RBFOX1: variants seen among roughly 807,000 people sequenced by gnomAD.
RBFOX1 encodes RNA binding fox-1 homolog 1.
RBFOX1 carries 8 observed loss-of-function variants against 57.7 expected under a neutral mutation model. The observed-to-expected ratio is 0.14, with a 90% confidence interval of 0.08 to 0.25. RBFOX1 has a LOEUF of 0.25. Ranked by LOEUF, RBFOX1 falls within the 10% of genes least tolerant of loss-of-function variation. The pLI is 1.00. For missense variants in RBFOX1, 611 were observed against 548.5 expected, an observed-to-expected ratio of 1.11 and a Z score of -1.14; for synonymous variants, 326 against 222.4, an observed-to-expected ratio of 1.47 and a Z score of -4.15.
At chr16:5,607,108 G>A (rs1045197116) in intron 3 of RBFOX1, among the ~76,000 whole-genome samples, 1 of 152,186 alleles carries the variant, frequency 6.6e-6, no homozygotes, top group Admixed American at 6.5e-5. Context: ...ACTGGAGTGG[G>A]CTGGGGAGCA....
chr16:7,673,896 G>A (rs947944757), intron 13 of RBFOX1, among the ~76,000 whole-genome samples: 1 of 152,182 alleles, frequency 6.6e-6, no homozygotes, highest in Non-Finnish European at 1.5e-5. Flanking sequence ...GATCTCGGAA[G>A]ACCAGGTTCA....
intron 4 of RBFOX1, among the ~76,000 whole-genome samples, chr16:7,353,667 C>G (rs185474417): frequency 6.6e-6 from 1 of 152,136 alleles, no homozygotes; most frequent in African/African-American, 2.4e-5. Flanking sequence ...TGTGGATGAA[C>G]CTTGAGAATG....
intron 4 of RBFOX1, among the ~76,000 whole-genome samples, chr16:7,281,473 G>A (rs972943674): frequency 6.6e-6 from 1 of 152,034 alleles, no homozygotes; most frequent in Non-Finnish European, 1.5e-5. Flanking sequence ...TTCTAACACT[G>A]TATATCTCTC....
At chr16:6,906,564 G>C (rs752532092) in intron 3 of RBFOX1, among the ~76,000 whole-genome samples, 2 of 152,028 alleles carry the variant, frequency 1.3e-5, no homozygotes, top group Non-Finnish European at 2.9e-5. Flanking sequence ...TCTTTGTCAA[G>C]TTAAAAACAA....
At chr16:5,653,030 G>T (rs903435048) in intron 3 of RBFOX1, among the ~76,000 whole-genome samples, 9 of 141,928 alleles carry the variant, frequency 6.3e-5, no homozygotes, top group Non-Finnish European at 1.1e-4. Context: ...CTGGGCTTCT[G>T]TGCGGAAAGT....
At chr16:6,248,153 C>A (rs1418351476) in intron 1 of RBFOX1, among the ~76,000 whole-genome samples, 2 of 151,940 alleles carry the variant, frequency 1.3e-5, no homozygotes, top group Admixed American at 1.3e-4. Flanking sequence ...CCTTAAGTTG[C>A]GCCTGTTTAG....
At chr16:6,758,620 A>G (rs767930705) in intron 3 of RBFOX1, among the ~76,000 whole-genome samples, 1 of 152,206 alleles carries the variant, frequency 6.6e-6, no homozygotes, top group Non-Finnish European at 1.5e-5. Flanking sequence ...TATAATGCAA[A>G]TATTTTATGC....
intron 10 of RBFOX1, among the ~76,000 whole-genome samples, chr16:7,610,062 C>T (rs1192877390): frequency 6.7e-6 from 1 of 149,198 alleles, no homozygotes; most frequent in East Asian, 2.0e-4. Context: ...ATGATCCGCC[C>T]TCCTCGGCCT....
At chr16:6,583,378 A>G (rs1398276302) in intron 2 of RBFOX1, among the ~76,000 whole-genome samples, 3 of 152,230 alleles carry the variant, frequency 2.0e-5, no homozygotes, top group African/African-American at 4.8e-5. Flanking sequence ...GCCAAACAAG[A>G]GGAATGATAC....
At chr16:7,288,820 G>A (rs993020439) in intron 4 of RBFOX1, among the ~76,000 whole-genome samples, 3 of 152,198 alleles carry the variant, frequency 2.0e-5, no homozygotes, top group Non-Finnish European at 4.4e-5. Context: ...CAGCCTGCGC[G>A]ATAAAGCAAG....
chr16:5,413,788 G>T lies in RBFOX1; in HGVS notation c.220-53428G>T, dbSNP rs572796344. ...GAATTACGAAAAGAGTCCTAAAGGA[G>T]ACCGGTAGGGGTGAGGTGTGGAGGG... On this transcript the variant is annotated intron_variant, in intron 1 of 2. Transcript: ENST00000585867. 5.3e-4 allele frequency among the ~76,000 whole-genome samples: 80 copies of T among 152,278 alleles called. 1 individual carries two copies. Among genetic ancestry groups the T allele is most frequent in the Admixed American group, 2.2e-3 (33 of 15,304 alleles).
intron 14 of RBFOX1, among the ~76,000 whole-genome samples, chr16:7,694,299 T>C (rs2078110940): frequency 6.6e-6 from 1 of 152,128 alleles, no homozygotes; most frequent in African/African-American, 2.4e-5. Context: ...AAATAAACAC[T>C]CATCTGTTAC....
intron 3 of RBFOX1, among the ~76,000 whole-genome samples, chr16:6,948,813 A>G (rs1010485818): frequency 6.6e-6 from 1 of 152,142 alleles, no homozygotes; most frequent in Non-Finnish European, 1.5e-5. Context: ...TTTAGCCTAA[A>G]TCCTAGAGAG....
chr16:6,931,072 A>G (rs1337710549), intron 3 of RBFOX1, among the ~76,000 whole-genome samples: 3 of 152,112 alleles, frequency 2.0e-5, no homozygotes, highest in East Asian at 3.9e-4. Flanking sequence ...TGTATGCCTA[A>G]CATTTAGAAT....
At chr16:7,557,571 G>A (rs1447503301) in intron 5 of RBFOX1, among the ~76,000 whole-genome samples, 1 of 115,300 alleles carries the variant, frequency 8.7e-6, no homozygotes, top group African/African-American at 3.4e-5. Flanking sequence ...AGTGAGCCAA[G>A]ACTGTACCAC....
At chr16:6,925,120 T>G (rs867179918) in intron 3 of RBFOX1, among the ~76,000 whole-genome samples, 155 of 34,820 alleles carry the variant, frequency 4.5e-3, no homozygotes, top group Middle Eastern at 0.012. Flanking sequence ...TTTTTTTTTT[T>G]TTTTTTTTTT....
intron 3 of RBFOX1, among the ~76,000 whole-genome samples, chr16:6,879,563 A>C (rs895757688): frequency 6.6e-6 from 1 of 152,256 alleles, no homozygotes; most frequent in Non-Finnish European, 1.5e-5. Context: ...GGTAGATTCA[A>C]CATAAGTTTC....
intron 3 of RBFOX1, among the ~76,000 whole-genome samples, chr16:5,848,273 G>A (rs2056806622): frequency 1.3e-5 from 2 of 152,024 alleles, no homozygotes; most frequent in African/African-American, 2.4e-5. Flanking sequence ...TGGTTCTCCT[G>A]TGCAGCCCAC....
At chr16:6,325,434 A>G (rs2082265347) in intron 2 of RBFOX1, among the ~76,000 whole-genome samples, 1 of 152,228 alleles carries the variant, frequency 6.6e-6, no homozygotes, top group Admixed American at 6.5e-5. Context: ...TTTAACACCT[A>G]TGAGGTGAAA....
Sources: gnomAD v4.1 joint callset for allele counts (sites outside exome capture counted in the v4.1 genomes callset) on GRCh38, gnomAD v4.1.1 for gene constraint, MANE v1.5 for transcripts, NCBI Gene and HGNC (gene_info 2026-07-23, HGNC 2026-07-21) for gene names.